The following CRB1 variants were observed in gnomAD, a reference collection of about 807,000 sequenced individuals.
CRB1 encodes crumbs cell polarity complex component 1, also known as protein crumbs homolog 1.
Under a neutral mutation model 120.0 loss-of-function variants are expected in CRB1, and 83 were observed. The observed-to-expected ratio is 0.69, with a 90% CI of 0.58 to 0.83. CRB1 has a LOEUF of 0.83. Ranked by LOEUF, CRB1 falls within the 40% of genes least tolerant of loss-of-function variation. The pLI is 0.00. For synonymous variants in CRB1, 625 were observed against 612.5 expected (o/e 1.02, Z -0.30); for missense variants, 1,699 against 1,687.6 (o/e 1.01, Z -0.12).
At chr1:197,471,516 G>A (rs1036511350) in intron 11 of CRB1, among the ~76,000 whole-genome samples, 3 of 152,026 alleles carry the variant, frequency 2.0e-5, no homozygotes, top group East Asian at 1.9e-4. Context: ...CCCTGCTGTC[G>A]GCCTGCTGCT....
At chr1:197,259,871 C>T in the CRB1 span, among the ~76,000 whole-genome samples, 4 of 151,770 alleles carry the variant, frequency 2.6e-5, no homozygotes, top group East Asian at 1.9e-4. Flanking sequence ...AGTTTCAGGC[C>T]GGGCATGGTG....
At chr1:197,244,744 T>C in the CRB1 span, among the ~76,000 whole-genome samples, 155 of 147,220 alleles carry the variant, frequency 1.1e-3, no homozygotes, top group Non-Finnish European at 1.8e-3. Context: ...CTTCAAATAG[T>C]TTTTTTTTCT....
chr1:197,406,076 A>G (rs1663375429), intron 5 of CRB1, among the ~76,000 whole-genome samples: 1 of 152,158 alleles, frequency 6.6e-6, no homozygotes, highest in Non-Finnish European at 1.5e-5. Flanking sequence ...TGGGAGGTGT[A>G]CCCAACAGCT....
At chr1:197,472,899 CACAT>C (rs1667043385) in intron 11 of CRB1, among the ~76,000 whole-genome samples, 1 of 152,154 alleles carries the variant, frequency 6.6e-6, no homozygotes, top group African/African-American at 2.4e-5. Flanking sequence ...CAAGAGTAAT[CACAT>C]GGATCAAAGT....
At chr1:197,331,019 A>G (rs540117784) in intron 2 of CRB1, among the ~76,000 whole-genome samples, 1 of 152,158 alleles carries the variant, frequency 6.6e-6, no homozygotes, top group South Asian at 2.1e-4. Flanking sequence ...CGTCTCTACT[A>G]AAAATACAAA....
At chr1:197,345,730 A>T (rs746659987) in intron 3 of CRB1, among the ~76,000 whole-genome samples, 36 of 151,786 alleles carry the variant, frequency 2.4e-4, no homozygotes, top group Non-Finnish European at 4.7e-4. Context: ...CTGGTCTCGA[A>T]CTCCTGACCG....
At chr1:197,286,247 A>T (rs879836911) in intron 1 of CRB1, among the ~76,000 whole-genome samples, 4 of 151,958 alleles carry the variant, frequency 2.6e-5, no homozygotes, top group Non-Finnish European at 5.9e-5. Context: ...TCTTTTCCCA[A>T]TAGCAATCGT....
At chr1:197,432,936 T>A (rs1430502299) in intron 8 of CRB1, among the ~76,000 whole-genome samples, 1 of 152,062 alleles carries the variant, frequency 6.6e-6, no homozygotes, top group African/African-American at 2.4e-5. Flanking sequence ...ACAAGCTTGG[T>A]GTATCTTCAA....
rs1250702191 is a variant in CRB1, at chr1:197,435,298, C to T, written c.3435C>T (p.Ser1145=). Residue 1145 remains serine, a synonymous_variant, in exon 9 of 12, where the codon TCC becomes TCT. Coordinates refer to ENST00000367400, the MANE Select transcript of CRB1 (RefSeq NM_201253.3). ...TGCLQLNVCN[S]NPCLHGGNCE... ...GTTTGCAGTTAAATGTCTGCAACTC[C>T]AACCCCTGTTTGCATGGAGGAAACT... 4 of 1,613,680 alleles carry T rather than the reference C, an allele frequency of 2.5e-6. No homozygotes were observed. In the African/African-American group the frequency reaches 5.3e-5, roughly 22 times the overall value.
chr1:197,304,346 A>G, intron 1 of CRB1: 1 of 935,542 alleles, frequency 1.1e-6, no homozygotes, highest in Non-Finnish European at 1.3e-6. Flanking sequence ...ATTTTGAATA[A>G]CATTAAATGT....
chr1:197,387,493 G>A (rs999922029), intron 5 of CRB1, among the ~76,000 whole-genome samples: 12 of 151,824 alleles, frequency 7.9e-5, no homozygotes, highest in South Asian at 2.1e-4. Context: ...TCCCTGTGCC[G>A]CTCCATAGAA....
intron 5 of CRB1, among the ~76,000 whole-genome samples, chr1:197,405,919 C>A (rs1399537098): frequency 6.6e-6 from 1 of 151,406 alleles, no homozygotes; most frequent in South Asian, 2.1e-4. Context: ...GGTCAGCCCC[C>A]GCCAGGCCAG....
intron 1 of CRB1, among the ~76,000 whole-genome samples, chr1:197,325,625 T>G (rs992666204): frequency 4.6e-5 from 7 of 152,068 alleles, no homozygotes; most frequent in Non-Finnish European, 7.4e-5. Context: ...ATATTGAAAA[T>G]AACATTATTC....
the CRB1 span, among the ~76,000 whole-genome samples, chr1:197,239,432 A>G: frequency 6.6e-6 from 1 of 152,080 alleles, no homozygotes; most frequent in Non-Finnish European, 1.5e-5. Context: ...TAGGAATGCA[A>G]TATATTCTTG....
At chr1:197,405,595 C>G (rs867662775) in intron 5 of CRB1, among the ~76,000 whole-genome samples, 34 of 150,946 alleles carry the variant, frequency 2.3e-4, no homozygotes, top group African/African-American at 8.3e-4. Context: ...AAGTGAGGAG[C>G]GTCTCTGCCC....
At chr1:197,442,418 A>C (rs1382671540) in intron 11 of CRB1, 126 bp downstream of exon 11, 2 of 1,600,580 alleles carry the variant, frequency 1.2e-6, no homozygotes, top group African/African-American at 2.7e-5. Context: ...AAGATTATTA[A>C]CATACATTTG....
intron 5 of CRB1, among the ~76,000 whole-genome samples, chr1:197,382,002 G>A (rs186667612): frequency 1.9e-3 from 290 of 152,200 alleles, no homozygotes; most frequent in Non-Finnish European, 2.3e-3. Flanking sequence ...TGTAATTTTC[G>A]AACACATAAG....
chr1:197,336,637 TAAC>T (rs937831385), intron 2 of CRB1, among the ~76,000 whole-genome samples: 6 of 152,134 alleles, frequency 3.9e-5, no homozygotes, highest in Non-Finnish European at 5.9e-5. Flanking sequence ...GTGCACAAAA[TAAC>T]AAATATTCAC....
chr1:197,370,331 A>G (rs1340175489), intron 5 of CRB1, among the ~76,000 whole-genome samples: 1 of 152,208 alleles, frequency 6.6e-6, no homozygotes, highest in Non-Finnish European at 1.5e-5. Flanking sequence ...AAATGGACTT[A>G]GCAGATATTT....
Sources: gnomAD v4.1 joint callset for allele counts (sites outside exome capture counted in the v4.1 genomes callset) on GRCh38, gnomAD v4.1.1 for gene constraint, MANE v1.5 for transcripts, NCBI Gene and HGNC (gene_info 2026-07-23, HGNC 2026-07-21) for gene names.